PDE8A: variants seen among roughly 807,000 people sequenced by gnomAD.
The protein encoded by PDE8A is phosphodiesterase 8A.
Under a neutral mutation model 105.0 loss-of-function variants are expected in PDE8A, and 59 were observed. The ratio of observed to expected loss-of-function variants is 0.56; its 90% confidence interval spans 0.46 to 0.70. The LOEUF (loss-of-function observed/expected upper bound fraction) is 0.70. PDE8A is among the 30% of genes least tolerant of loss of function. The probability of loss-of-function intolerance (pLI) is 0.00; values close to 1 mark genes in which losing one functional copy is unlikely to be tolerated. For synonymous variants in PDE8A, 355 were observed against 371.9 expected, an observed-to-expected ratio of 0.95 and a Z score of 0.52; for missense variants, 1,014 against 1,045.9, an observed-to-expected ratio of 0.97 and a Z score of 0.42.
At chr15:85,118,090 C>G (rs570353911) in intron 17 of PDE8A, among the ~76,000 whole-genome samples, 1 of 152,298 alleles carries the variant, frequency 6.6e-6, no homozygotes, top group African/African-American at 2.4e-5. Flanking sequence ...AGAAACCTAA[C>G]AAGGACAGGA....
chr15:85,095,719 C>CT (rs2081736389), intron 8 of PDE8A, among the ~76,000 whole-genome samples: 1 of 152,040 alleles, frequency 6.6e-6, no homozygotes, highest in African/African-American at 2.4e-5. Flanking sequence ...CTTATTGACT[C>CT]TGTTACCCTA....
chr15:85,071,396 G>C (rs1206806807), intron 3 of PDE8A, among the ~76,000 whole-genome samples: 1 of 152,198 alleles, frequency 6.6e-6, no homozygotes, highest in Non-Finnish European at 1.5e-5. Flanking sequence ...TTTACTTTCT[G>C]CATCTACTCA....
chr15:85,014,090 G>T (rs374469461), intron 1 of PDE8A, among the ~76,000 whole-genome samples: 1 of 152,202 alleles, frequency 6.6e-6, no homozygotes, highest in East Asian at 1.9e-4. Flanking sequence ...GATGATACAC[G>T]ATCTTGTGAT....
At chr15:85,036,577 A>G (rs2080710364) in intron 1 of PDE8A, among the ~76,000 whole-genome samples, 1 of 152,172 alleles carries the variant, frequency 6.6e-6, no homozygotes, top group Non-Finnish European at 1.5e-5. Context: ...TCCAGGTAGA[A>G]TGTTGACCTG....
chr15:85,129,609 T>G (rs1281390000), intron 20 of PDE8A, among the ~76,000 whole-genome samples: 1 of 152,254 alleles, frequency 6.6e-6, no homozygotes, highest in African/African-American at 2.4e-5. Context: ...TCTTTTTTTC[T>G]TAGTCCATCT....
chr15:84,982,081 C>A lies in PDE8A; in HGVS notation c.-82C>A. On this transcript the variant is annotated 5_prime_UTR_variant, in exon 1 of 22. Coordinates refer to ENST00000394553, the MANE Select transcript of PDE8A (RefSeq NM_002605.3). ...CCAGGCGGCGATGACACGGCGCCCG[C>A]GGCGGCCCGGAGGCGCCGGGTGGGC... The A allele has an allele frequency of 1.1e-6, 1 of 916,198 alleles. No individual in the cohort carries two copies. The highest frequency in any genetic ancestry group is 1.4e-6 in the Non-Finnish European group (1 of 712,330). 56.8% of individuals were successfully genotyped at this position (916,198 alleles called of 1,614,324 possible).
At chr15:85,032,184 G>A (rs1224981108) in intron 1 of PDE8A, among the ~76,000 whole-genome samples, 1 of 152,210 alleles carries the variant, frequency 6.6e-6, no homozygotes, top group African/African-American at 2.4e-5. Context: ...ACAGTTTAAT[G>A]AAAACTCACA....
At chr15:85,052,508 C>A (rs550733567) in intron 1 of PDE8A, among the ~76,000 whole-genome samples, 1 of 152,158 alleles carries the variant, frequency 6.6e-6, no homozygotes, top group Non-Finnish European at 1.5e-5. Context: ...TTTTAATGAT[C>A]GCCATTGTAA....
intron 1 of PDE8A, among the ~76,000 whole-genome samples, chr15:85,027,980 A>G (rs1009367004): frequency 6.6e-6 from 1 of 152,240 alleles, no homozygotes; most frequent in African/African-American, 2.4e-5. Context: ...ATAGTGTTAC[A>G]TTGTATAGAG....
At chr15:85,033,940 A>G (rs1256982158) in intron 1 of PDE8A, among the ~76,000 whole-genome samples, 3 of 152,252 alleles carry the variant, frequency 2.0e-5, no homozygotes, top group Non-Finnish European at 4.4e-5. Context: ...GTTTTGTAGT[A>G]CAAATCAAGA....
chr15:85,122,436 G>A (rs983609885), intron 18 of PDE8A, among the ~76,000 whole-genome samples: 1 of 152,178 alleles, frequency 6.6e-6, no homozygotes, highest in African/African-American at 2.4e-5. Flanking sequence ...GGATTTCAGA[G>A]GTGGAGTTAA....
chr15:85,128,104 A>G (rs2082282978), intron 20 of PDE8A, among the ~76,000 whole-genome samples: 1 of 151,902 alleles, frequency 6.6e-6, no homozygotes, highest in African/African-American at 2.4e-5. Flanking sequence ...TACCATAGAG[A>G]AATTCATAGA....
intron 15 of PDE8A, chr15:85,115,690 G>T (rs749427263): frequency 2.2e-5 from 12 of 543,338 alleles, no homozygotes; most frequent in Non-Finnish European, 3.9e-5. Context: ...ACACCGCCGA[G>T]ATGGGCAGAT....
chr15:85,122,929 C>T, intron 18 of PDE8A, 132 bp from the exon 19 acceptor site: 1 of 880,776 alleles, frequency 1.1e-6, no homozygotes, highest in East Asian at 2.4e-5. Context: ...TTAAAATGTG[C>T]CTTGTGGCTT....
intron 2 of PDE8A, among the ~76,000 whole-genome samples, chr15:85,066,742 C>G (rs1459753986): frequency 6.6e-6 from 1 of 151,996 alleles, no homozygotes; most frequent in African/African-American, 2.4e-5. Flanking sequence ...AGTTCGAAAT[C>G]AGCCTGGCCA....
At chr15:85,099,276 G>C (rs1361739974) in intron 9 of PDE8A, among the ~76,000 whole-genome samples, 1 of 152,212 alleles carries the variant, frequency 6.6e-6, no homozygotes, top group Admixed American at 6.5e-5. Flanking sequence ...TTCTAGCCCA[G>C]GGGTCCAGCT....
At chr15:85,005,764 T>A (rs763262832) in intron 1 of PDE8A, among the ~76,000 whole-genome samples, 1 of 152,094 alleles carries the variant, frequency 6.6e-6, no homozygotes, top group Non-Finnish European at 1.5e-5. Flanking sequence ...AACCTCAGCA[T>A]TAGGACTGCC....
intron 1 of PDE8A, among the ~76,000 whole-genome samples, chr15:85,017,124 G>A (rs367583734): frequency 0.038 from 5,794 of 151,462 alleles, 357 homozygotes; most frequent in African/African-American, 0.13. Flanking sequence ...AGCCGGGCGC[G>A]GTGGCGGGCG....
intron 1 of PDE8A, among the ~76,000 whole-genome samples, chr15:85,023,114 A>T (rs896414787): frequency 6.6e-6 from 1 of 152,186 alleles, no homozygotes; most frequent in African/African-American, 2.4e-5. Flanking sequence ...TGAGTAGGCA[A>T]ACATTTGAAG....
Sources: gnomAD v4.1 joint callset for allele counts (sites outside exome capture counted in the v4.1 genomes callset) on GRCh38, gnomAD v4.1.1 for gene constraint, MANE v1.5 for transcripts, NCBI Gene and HGNC (gene_info 2026-07-23, HGNC 2026-07-21) for gene names.